Variants in XRCC1 observed in about 807,000 individuals in gnomAD.
XRCC1 encodes X-ray repair cross complementing 1, also known as DNA repair protein XRCC1.
XRCC1 carries 52 observed loss-of-function variants against 83.3 expected under a neutral mutation model. The ratio of observed to expected loss-of-function variants is 0.62; its 90% CI spans 0.50 to 0.79. The LOEUF (loss-of-function observed/expected upper bound fraction) is 0.79, where lower values mean the gene tolerates loss of function less well. Ranked by LOEUF, XRCC1 falls within the 30% of genes least tolerant of loss-of-function variation. The pLI is 0.00. For synonymous variants in XRCC1, 281 were observed against 312.6 expected (o/e 0.90, Z 1.07); for missense variants, 793 against 823.5 (o/e 0.96, Z 0.45).
chr19:43,563,876 T>C (rs1306906195), intron 2 of XRCC1, among the ~76,000 whole-genome samples: 5 of 152,190 alleles, frequency 3.3e-5, no homozygotes, highest in Non-Finnish European at 1.5e-5. Flanking sequence ...CTAGCATCTG[T>C]CTCTCCCGCC....
chr19:43,549,653 C>T (rs1004172296), intron 10 of XRCC1, among the ~76,000 whole-genome samples: 5 of 152,098 alleles, frequency 3.3e-5, no homozygotes, highest in Non-Finnish European at 7.3e-5. Flanking sequence ...ACCTCCTGGG[C>T]TCAAGTGATC....
intron 9 of XRCC1, 101 bp from the exon 10 acceptor site, chr19:43,551,788 C>CA: frequency 9.3e-7 from 1 of 1,080,208 alleles, no homozygotes; most frequent in Non-Finnish European, 1.4e-6. Context: ...GACAGACAGA[C>CA]AGACAGATCA....
intron 2 of XRCC1, 152 bp downstream of exon 2, chr19:43,574,758 G>T: frequency 1.6e-6 from 1 of 641,874 alleles, no homozygotes. Flanking sequence ...CTCTGCTGAG[G>T]GGCACAGGGA....
At chr19:43,570,604 T>TG (rs1568519184) in intron 2 of XRCC1, among the ~76,000 whole-genome samples, 2 of 152,082 alleles carry the variant, frequency 1.3e-5, no homozygotes, top group African/African-American at 4.8e-5. Flanking sequence ...GGCAACATAG[T>TG]GAGACCCCAT....
At chr19:43,556,877 C>A (rs977298833) in intron 3 of XRCC1, among the ~76,000 whole-genome samples, 1 of 152,060 alleles carries the variant, frequency 6.6e-6, no homozygotes. Context: ...TGGTGGTAGG[C>A]ACCTATAATC....
intron 2 of XRCC1, among the ~76,000 whole-genome samples, chr19:43,572,413 A>T (rs1441758464): frequency 6.6e-6 from 1 of 152,236 alleles, no homozygotes; most frequent in Non-Finnish European, 1.5e-5. Context: ...TAGAGAAATG[A>T]AACAATTTTC....
chr19:43,547,639 G>A (rs971602586), intron 10 of XRCC1, among the ~76,000 whole-genome samples: 1 of 151,796 alleles, frequency 6.6e-6, no homozygotes, highest in Non-Finnish European at 1.5e-5. Context: ...GTGCCACCAC[G>A]CCTGGCTAAT....
intron 6 of XRCC1, 34 bp from the exon 7 acceptor site, chr19:43,553,125 G>A (rs1313296123): frequency 6.5e-7 from 1 of 1,542,966 alleles, no homozygotes; most frequent in South Asian, 1.2e-5. Flanking sequence ...AGGATGAGAG[G>A]GCTGAGCCCC....
At chr19:43,557,484 T>C (rs1286117470) in intron 3 of XRCC1, among the ~76,000 whole-genome samples, 4 of 152,088 alleles carry the variant, frequency 2.6e-5, no homozygotes, top group Middle Eastern at 3.2e-3. Context: ...CAGCTGATTA[T>C]GCAAAGGAAA....
At chr19:43,574,698 A>G (rs1972836959) in intron 2 of XRCC1, 1 of 569,102 alleles carries the variant, frequency 1.8e-6, no homozygotes, top group Admixed American at 3.0e-5. Flanking sequence ...CCAGGACCAC[A>G]CACTGATTCC....
In XRCC1 at chr19:43,553,405, G is replaced by A. The variant is rs2307192; in HGVS notation, c.597C>T (p.Ser199=). The A allele has an allele frequency of 6.4e-5, 104 of 1,613,944 alleles. No homozygotes were observed. Among genetic ancestry groups the A allele is most frequent in the Non-Finnish European group, 7.6e-6 (9 of 1,179,990 alleles). The change falls in exon 6 of 17, where the codon TCC becomes TCT. Residue 199 remains serine (S), a synonymous_variant. Transcript: ENST00000262887. ...ACCCACGTTGTCCGAGCTCACCTGGGGATGTCTTGTTGATCCGGCTGAAGA... is the reference window on the plus strand; with the variant it reads ...ACCCACGTTGTCCGAGCTCACCTGGAGATGTCTTGTTGATCCGGCTGAAGA... ...ALFFSRINKT[S]PVTASDPAGP...
At chr19:43,544,313 C>A in intron 14 of XRCC1, 79 bp from the exon 15 acceptor site, 1 of 1,296,590 alleles carries the variant, frequency 7.7e-7, no homozygotes, top group Non-Finnish European at 1.1e-6. Flanking sequence ...CGAGGCTGAC[C>A]CAGCAGCTGA....
chr19:43,560,474 A>G (rs1468036224), intron 3 of XRCC1, among the ~76,000 whole-genome samples: 3 of 152,176 alleles, frequency 2.0e-5, no homozygotes, highest in Non-Finnish European at 4.4e-5. Flanking sequence ...AAGTGGAAGC[A>G]GGCGTTAGAG....
In XRCC1 at chr19:43,562,534, G is replaced by A. The variant is rs367753149; in HGVS notation, c.145-1514C>T. ...TGGGGTGGGAGGATCACTTGAGGCTGGGAGTTCAAGACCAGCCTGGGCAAC... is the reference window on the plus strand; with the variant it reads ...TGGGGTGGGAGGATCACTTGAGGCTAGGAGTTCAAGACCAGCCTGGGCAAC... On this transcript the variant is annotated intron_variant, in intron 2 of 16. Transcript: ENST00000262887. 4.8e-4 allele frequency among the ~76,000 whole-genome samples: 73 copies of A among 152,022 alleles called. 1 individual carries two copies. The highest frequency in any genetic ancestry group is 1.7e-3 in the African/African-American group (70 of 41,462).
intron 11 of XRCC1, 54 bp from the exon 12 acceptor site, chr19:43,546,781 GGGGGGT>G: frequency 6.3e-7 from 1 of 1,594,702 alleles, no homozygotes; most frequent in Non-Finnish European, 8.6e-7. Context: ...GGGTGTGTTG[GGGGGGT>G]ACCTGCAAGA....
intron 10 of XRCC1, among the ~76,000 whole-genome samples, chr19:43,551,279 G>T (rs1227724665): frequency 6.6e-6 from 1 of 152,212 alleles, no homozygotes; most frequent in Non-Finnish European, 1.5e-5. Flanking sequence ...CACTTTGAAT[G>T]AATGAATATG....
intron 15 of XRCC1, 115 bp downstream of exon 15, chr19:43,544,029 C>T: frequency 9.6e-7 from 1 of 1,043,052 alleles, no homozygotes; most frequent in Admixed American, 2.5e-5. Flanking sequence ...CTGGGCATGG[C>T]CCTTCTCCAT....
At chr19:43,552,419 C>G (rs1392496696) in intron 8 of XRCC1, 144 bp from the exon 9 acceptor site, 60 of 660,552 alleles carry the variant, frequency 9.1e-5, no homozygotes, top group Non-Finnish European at 1.4e-4. Context: ...CCCTCAGACC[C>G]AGGGGTCCAG....
chr19:43,548,179 C>T (rs781639355), intron 10 of XRCC1, among the ~76,000 whole-genome samples: 8 of 149,344 alleles, frequency 5.4e-5, no homozygotes, highest in African/African-American at 7.4e-5. Context: ...GCCCGGCCGC[C>T]GCCCCGTCCG....
Sources: gnomAD v4.1 joint callset for allele counts (sites outside exome capture counted in the v4.1 genomes callset) on GRCh38, gnomAD v4.1.1 for gene constraint, MANE v1.5 for transcripts, NCBI Gene and HGNC (gene_info 2026-07-23, HGNC 2026-07-21) for gene names.